FHIT: variants seen among roughly 807,000 people sequenced by gnomAD.
FHIT encodes the protein fragile histidine triad diadenosine triphosphatase.
A neutral mutation model predicts 17.9 loss-of-function variants in FHIT; 19 were observed. The ratio of observed to expected loss-of-function variants is 1.06; its 90% CI spans 0.74 to 1.56. FHIT has a LOEUF of 1.56. Ranked by LOEUF, FHIT falls within the 40% of genes most tolerant of loss-of-function variation. FHIT has a pLI of 0.00. For missense variants in FHIT, 248 were observed against 189.2 expected (o/e 1.31, Z -1.82); for synonymous variants, 81 against 69.7 (o/e 1.16, Z -0.81).
At chr3:60,702,117 G>A (rs2041262275) in intron 4 of FHIT, among the ~76,000 whole-genome samples, 1 of 152,140 alleles carries the variant, frequency 6.6e-6, no homozygotes. Flanking sequence ...GCCCATCTTG[G>A]CCTCCCAAAA....
intron 5 of FHIT, among the ~76,000 whole-genome samples, chr3:60,033,834 T>A (rs759859102): frequency 6.6e-6 from 1 of 152,220 alleles, no homozygotes; most frequent in Non-Finnish European, 1.5e-5. Flanking sequence ...TAGTAAACAT[T>A]CAGTAAATGT....
chr3:60,220,071 AGGCT>A (rs879461973), intron 5 of FHIT, among the ~76,000 whole-genome samples: 2 of 152,190 alleles, frequency 1.3e-5, no homozygotes, highest in African/African-American at 4.8e-5. Context: ...GTCAGGATAG[AGGCT>A]AAACATGAAT....
chr3:59,892,151 C>T (rs1223432507), intron 8 of FHIT, among the ~76,000 whole-genome samples: 1 of 152,172 alleles, frequency 6.6e-6, no homozygotes, highest in African/African-American at 2.4e-5. Flanking sequence ...TGAACAACAA[C>T]AAAAGGAGAA....
intron 7 of FHIT, among the ~76,000 whole-genome samples, chr3:59,946,724 G>A (rs1425050847): frequency 2.0e-5 from 3 of 152,134 alleles, no homozygotes; most frequent in African/African-American, 7.2e-5. Flanking sequence ...TAACAAGAAG[G>A]ATGTCTAATT....
chr3:60,739,722 C>T (rs2042204967), intron 4 of FHIT, among the ~76,000 whole-genome samples: 1 of 152,154 alleles, frequency 6.6e-6, no homozygotes, highest in Non-Finnish European at 1.5e-5. Context: ...AAATTATTCC[C>T]AGTTGAGAAT....
At chr3:60,322,883 T>C (rs936669311) in intron 5 of FHIT, among the ~76,000 whole-genome samples, 2 of 152,194 alleles carry the variant, frequency 1.3e-5, no homozygotes, top group East Asian at 3.9e-4. Context: ...TTGAACCGTC[T>C]GAATTATGAA....
intron 7 of FHIT, among the ~76,000 whole-genome samples, chr3:59,955,060 G>T (rs1051028697): frequency 3.3e-5 from 5 of 152,174 alleles, no homozygotes; most frequent in African/African-American, 1.2e-4. Context: ...GTGTGGCTAG[G>T]TTCCCATTAC....
At chr3:60,232,398 C>T (rs1419798530) in intron 5 of FHIT, among the ~76,000 whole-genome samples, 1 of 152,130 alleles carries the variant, frequency 6.6e-6, no homozygotes, top group African/African-American at 2.4e-5. Flanking sequence ...ATCTTATCCC[C>T]CTTAACATAT....
intron 4 of FHIT, among the ~76,000 whole-genome samples, chr3:60,589,798 C>T (rs934998765): frequency 6.6e-6 from 1 of 152,082 alleles, no homozygotes; most frequent in Non-Finnish European, 1.5e-5. Flanking sequence ...TAATTTGCCA[C>T]TTCGACTTCT....
At chr3:60,269,429 G>A (rs1706754739) in intron 5 of FHIT, among the ~76,000 whole-genome samples, 3 of 152,146 alleles carry the variant, frequency 2.0e-5, no homozygotes, top group African/African-American at 7.2e-5. Flanking sequence ...CTGTTCTTTT[G>A]AGAAATCTTG....
chr3:59,861,153 G>C (rs1271971175), intron 8 of FHIT, among the ~76,000 whole-genome samples: 5 of 152,104 alleles, frequency 3.3e-5, no homozygotes, highest in African/African-American at 1.2e-4. Flanking sequence ...GAGGAAGCAT[G>C]GGTGGTGGTA....
At chr3:59,953,639 A>G (rs1707239894) in intron 7 of FHIT, among the ~76,000 whole-genome samples, 1 of 152,184 alleles carries the variant, frequency 6.6e-6, no homozygotes, top group South Asian at 2.1e-4. Context: ...AGATAAATTA[A>G]GTACTGTGCT....
At chr3:60,675,159 C>T (rs1272073969) in intron 4 of FHIT, among the ~76,000 whole-genome samples, 1 of 152,240 alleles carries the variant, frequency 6.6e-6, no homozygotes, top group East Asian at 1.9e-4. Flanking sequence ...ACAGTTGCCG[C>T]ATACATTTTA....
intron 5 of FHIT, among the ~76,000 whole-genome samples, chr3:60,418,457 A>C (rs1702347243): frequency 7.1e-6 from 1 of 140,250 alleles, no homozygotes. Context: ...AGACGATTAG[A>C]CAGCCCTTAC....
chr3:60,373,143 T>C (rs990246083), intron 5 of FHIT, among the ~76,000 whole-genome samples: 5 of 152,178 alleles, frequency 3.3e-5, no homozygotes, highest in African/African-American at 9.7e-5. Context: ...CAGCCTCTAG[T>C]TTAGCAGAGA....
At chr3:60,683,103 T>C (rs532495830) in intron 4 of FHIT, among the ~76,000 whole-genome samples, 3 of 152,294 alleles carry the variant, frequency 2.0e-5, no homozygotes, top group African/African-American at 7.2e-5. Context: ...GAGTTGCTTC[T>C]TACGGGTAAG....
At chr3:61,081,228 C>T (rs1312355625) in intron 2 of FHIT, among the ~76,000 whole-genome samples, 1 of 152,148 alleles carries the variant, frequency 6.6e-6, no homozygotes, top group Non-Finnish European at 1.5e-5. Flanking sequence ...TCCAGCTGTG[C>T]CCCACAACTT....
intron 5 of FHIT, among the ~76,000 whole-genome samples, chr3:60,502,250 C>A (rs530164005): frequency 2.0e-5 from 3 of 152,030 alleles, no homozygotes; most frequent in Non-Finnish European, 4.4e-5. Flanking sequence ...TCCCAGCAGC[C>A]TGGGAAAGAT....
chr3:60,400,617 G>C (rs931679171), intron 5 of FHIT, among the ~76,000 whole-genome samples: 4 of 152,196 alleles, frequency 2.6e-5, no homozygotes, highest in Non-Finnish European at 5.9e-5. Context: ...ACAGAAGCAG[G>C]AATCCAGAGC....
Sources: allele counts gnomAD v4.1 joint callset (sites outside exome capture counted in the v4.1 genomes callset), GRCh38; gene constraint gnomAD v4.1.1; transcripts MANE v1.5; gene names NCBI Gene and HGNC (gene_info 2026-07-23, HGNC 2026-07-21).